The following ANO6 variants were observed in gnomAD, a reference collection of about 807,000 sequenced individuals.
ANO6 encodes the protein anoctamin 6.
Under a neutral mutation model 117.5 loss-of-function variants are expected in ANO6, and 106 were observed. That is an observed-to-expected ratio of 0.90 (90% CI 0.77 to 1.06). The LOEUF (loss-of-function observed/expected upper bound fraction) is 1.06, where lower values mean the gene tolerates loss of function less well. ANO6 is among the 50% of genes least tolerant of loss of function. The pLI is 0.00. For missense variants in ANO6, 955 were observed against 1,121.1 expected (o/e 0.85, Z 2.12); for synonymous variants, 367 against 385.1 (o/e 0.95, Z 0.55).
intron 7 of ANO6, 111 bp downstream of exon 7, chr12:45,350,885 A>C (rs540680802): frequency 1.1e-6 from 1 of 909,050 alleles, no homozygotes; most frequent in East Asian, 2.6e-5. Flanking sequence ...GAGCTGACCC[A>C]GAGTGCTGAG....
chr12:45,370,643 C>A (rs968323653), intron 9 of ANO6, among the ~76,000 whole-genome samples: 4 of 152,160 alleles, frequency 2.6e-5, no homozygotes, highest in Non-Finnish European at 4.4e-5. Context: ...TTTTATGGGA[C>A]CTTTCTTATA....
chr12:45,382,717 G>A (rs1023885998), intron 10 of ANO6, among the ~76,000 whole-genome samples: 12 of 152,124 alleles, frequency 7.9e-5, no homozygotes, highest in African/African-American at 2.9e-4. Context: ...AAAAGTTATG[G>A]TTATACTATA....
At chr12:45,335,920 T>C (rs1940810870) in intron 3 of ANO6, among the ~76,000 whole-genome samples, 1 of 152,018 alleles carries the variant, frequency 6.6e-6, no homozygotes, top group Non-Finnish European at 1.5e-5. Flanking sequence ...TTTTCCCAAA[T>C]GAAGACCATA....
chr12:45,382,156 A>G (rs1035924060), intron 10 of ANO6, among the ~76,000 whole-genome samples: 1 of 152,208 alleles, frequency 6.6e-6, no homozygotes, highest in Non-Finnish European at 1.5e-5. Flanking sequence ...AGATGCAGAA[A>G]TAATTTGGTT....
chr12:45,315,350 C>T (rs986452754), intron 2 of ANO6, among the ~76,000 whole-genome samples: 2 of 151,908 alleles, frequency 1.3e-5, no homozygotes, highest in Admixed American at 6.6e-5. Flanking sequence ...GGAGAAGCAA[C>T]GTGCAGACAG....
At chr12:45,303,402 C>T (rs1040380593) in intron 2 of ANO6, among the ~76,000 whole-genome samples, 1 of 152,160 alleles carries the variant, frequency 6.6e-6, no homozygotes. Flanking sequence ...CTGGTAGACA[C>T]TCATGAAGCT....
chr12:45,342,475 G>C (rs922434988), intron 3 of ANO6, among the ~76,000 whole-genome samples: 1 of 152,124 alleles, frequency 6.6e-6, no homozygotes, highest in Non-Finnish European at 1.5e-5. Flanking sequence ...TGCTGTGGAT[G>C]CCCCTATGCT....
At chr12:45,271,233 T>A (rs941044741) in intron 1 of ANO6, among the ~76,000 whole-genome samples, 3 of 152,178 alleles carry the variant, frequency 2.0e-5, no homozygotes, top group Non-Finnish European at 4.4e-5. Context: ...TCGAATAACA[T>A]ACAAATGTAT....
intron 16 of ANO6, among the ~76,000 whole-genome samples, 178 bp from the exon 17 acceptor site, chr12:45,416,521 A>AT (rs1430930745): frequency 1.3e-5 from 2 of 152,300 alleles, no homozygotes; most frequent in African/African-American, 4.8e-5. Flanking sequence ...CTTTCCAGAG[A>AT]TTTTATATTT....
chr12:45,216,209 C>A lies in ANO6; in HGVS notation c.-113C>A. ...GGCTGGGCTCAGCGGCCCCTGAGCC[C>A]AAGCGACACACGCCCCGCGGTCCCC... On this transcript the variant is annotated 5_prime_UTR_variant, in exon 1 of 20. Transcript: ENST00000320560. The A allele has an allele frequency of 7.8e-7, 1 of 1,285,308 alleles. No individual in the cohort carries two copies. The highest frequency in any genetic ancestry group is 1.1e-6 in the Non-Finnish European group (1 of 910,306). The allele number at this position is 1,285,308 out of a possible 1,614,324, so 79.6% of individuals were successfully genotyped here.
chr12:45,423,336 T>C (rs1443072950), intron 19 of ANO6, among the ~76,000 whole-genome samples: 2 of 152,184 alleles, frequency 1.3e-5, no homozygotes, highest in Non-Finnish European at 2.9e-5. Context: ...GGGCAGCATG[T>C]TGGGCTATGA....
chr12:45,368,689 C>T (rs531087883), intron 9 of ANO6, among the ~76,000 whole-genome samples: 9 of 152,162 alleles, frequency 5.9e-5, no homozygotes, highest in Non-Finnish European at 8.8e-5. Flanking sequence ...CGCTTCCCTC[C>T]GATGATCTTC....
chr12:45,368,437 C>G (rs59846961), intron 9 of ANO6, among the ~76,000 whole-genome samples: 2,033 of 152,318 alleles, frequency 0.013, 40 homozygotes, highest in African/African-American at 0.047. Flanking sequence ...TAGACTGTCT[C>G]TATAACTATG....
intron 10 of ANO6, among the ~76,000 whole-genome samples, chr12:45,380,479 TG>T (rs1942140561): frequency 1.3e-5 from 2 of 152,344 alleles, no homozygotes; most frequent in South Asian, 4.1e-4. Context: ...AGAAAACAGC[TG>T]CTGTGACTGT....
At chr12:45,359,248 T>C (rs1408994875) in intron 8 of ANO6, among the ~76,000 whole-genome samples, 4 of 152,200 alleles carry the variant, frequency 2.6e-5, no homozygotes, top group Non-Finnish European at 5.9e-5. Context: ...TTCTGGACAT[T>C]TCATAAAAGT....
intron 10 of ANO6, among the ~76,000 whole-genome samples, chr12:45,379,905 T>G (rs954017865): frequency 6.6e-6 from 1 of 152,338 alleles, no homozygotes; most frequent in South Asian, 2.1e-4. Flanking sequence ...AAACTTTAAG[T>G]GCTTTGTGTG....
At chr12:45,267,951 A>G (rs1314379825) in intron 1 of ANO6, among the ~76,000 whole-genome samples, 2 of 152,198 alleles carry the variant, frequency 1.3e-5, no homozygotes, top group Non-Finnish European at 2.9e-5. Flanking sequence ...GGTATAAAAG[A>G]AAAATAACTC....
intron 1 of ANO6, among the ~76,000 whole-genome samples, chr12:45,237,447 G>C (rs1376960206): frequency 2.0e-5 from 3 of 152,206 alleles, no homozygotes; most frequent in African/African-American, 7.2e-5. Context: ...CATATGGCTA[G>C]CCAGTTTTCC....
chr12:45,233,133 G>T (rs972145167), intron 1 of ANO6, among the ~76,000 whole-genome samples: 1 of 152,112 alleles, frequency 6.6e-6, no homozygotes, highest in Non-Finnish European at 1.5e-5. Flanking sequence ...ACCTGACTTC[G>T]GCTGGGAGTC....
Sources: gnomAD v4.1 joint callset for allele counts (sites outside exome capture counted in the v4.1 genomes callset) on GRCh38, gnomAD v4.1.1 for gene constraint, MANE v1.5 for transcripts, NCBI Gene and HGNC (gene_info 2026-07-23, HGNC 2026-07-21) for gene names.